The following RSRC1 variants were observed in gnomAD, a reference collection of about 807,000 sequenced individuals.
RSRC1 encodes the protein serine/Arginine-related protein 53.
A neutral mutation model predicts 49.1 loss-of-function variants in RSRC1; 39 were observed. The observed-to-expected ratio is 0.79, with a 90% confidence interval of 0.61 to 1.04. The LOEUF (loss-of-function observed/expected upper bound fraction) is 1.04, where lower values mean the gene tolerates loss of function less well. Among genes scored for constraint, RSRC1 ranks in the 50% least tolerant of loss-of-function variants. The pLI, the probability that RSRC1 is intolerant of heterozygous loss-of-function variation, is 0.00. For missense variants in RSRC1, 388 were observed against 402.4 expected, an observed-to-expected ratio of 0.96 and a Z score of 0.31; for synonymous variants, 143 against 130.8, an observed-to-expected ratio of 1.09 and a Z score of -0.63.
At chr3:158,516,307 C>T (rs1740530074) in intron 7 of RSRC1, among the ~76,000 whole-genome samples, 2 of 151,624 alleles carry the variant, frequency 1.3e-5, no homozygotes, top group Admixed American at 6.6e-5. Context: ...GTTAGTTTTC[C>T]TTCTAACAGA....
intron 3 of RSRC1, among the ~76,000 whole-genome samples, chr3:158,139,569 G>A (rs545478918): frequency 4.3e-4 from 66 of 151,732 alleles, no homozygotes; most frequent in African/African-American, 1.5e-3. Context: ...TTAATACTTA[G>A]AATAAACTGC....
intron 3 of RSRC1, among the ~76,000 whole-genome samples, chr3:158,152,233 A>G (rs1353677621): frequency 6.6e-6 from 1 of 152,138 alleles, no homozygotes; most frequent in East Asian, 1.9e-4. Context: ...GGGAATCATA[A>G]TATTAAATAG....
chr3:158,209,502 C>A (rs1721542254), intron 4 of RSRC1, among the ~76,000 whole-genome samples: 1 of 152,140 alleles, frequency 6.6e-6, no homozygotes. Context: ...AAGACACCTA[C>A]TAAAATGCTT....
At chr3:158,289,472 A>G (rs1316846612) in intron 4 of RSRC1, among the ~76,000 whole-genome samples, 1 of 152,206 alleles carries the variant, frequency 6.6e-6, no homozygotes, top group Non-Finnish European at 1.5e-5. Flanking sequence ...AAGATAACAA[A>G]ACACTTAAAT....
At chr3:158,158,849 G>T (rs1718037806) in intron 3 of RSRC1, among the ~76,000 whole-genome samples, 3 of 150,452 alleles carry the variant, frequency 2.0e-5, no homozygotes, top group Admixed American at 6.7e-5. Flanking sequence ...TGAGGCAAGA[G>T]AATTACTTGA....
intron 7 of RSRC1, among the ~76,000 whole-genome samples, chr3:158,520,049 G>T (rs1711570231): frequency 6.6e-6 from 1 of 152,130 alleles, no homozygotes; most frequent in South Asian, 2.1e-4. Context: ...GACTGGAGAA[G>T]AAATAGAAAT....
chr3:158,311,636 C>G (rs1436481065), intron 5 of RSRC1, among the ~76,000 whole-genome samples: 2 of 151,856 alleles, frequency 1.3e-5, no homozygotes, highest in African/African-American at 4.8e-5. Flanking sequence ...TTCTGGAAAT[C>G]TAATGTACAG....
chr3:158,221,048 ATAT>A (rs1353331901), intron 4 of RSRC1, among the ~76,000 whole-genome samples: 4 of 151,568 alleles, frequency 2.6e-5, no homozygotes, highest in African/African-American at 9.7e-5. Flanking sequence ...TGAAAATTTG[ATAT>A]TATTCAGTAT....
intron 6 of RSRC1, among the ~76,000 whole-genome samples, chr3:158,459,077 A>G (rs1037939902): frequency 3.3e-5 from 5 of 152,140 alleles, no homozygotes; most frequent in East Asian, 1.9e-4. Context: ...ATTATTATCT[A>G]TACTATTTCA....
chr3:158,245,969 A>G (rs1227726117), intron 4 of RSRC1, among the ~76,000 whole-genome samples: 10 of 151,976 alleles, frequency 6.6e-5, no homozygotes, highest in Admixed American at 6.6e-4. Flanking sequence ...CAGTGTACCA[A>G]TGGGTCTTGA....
intron 3 of RSRC1, among the ~76,000 whole-genome samples, chr3:158,166,080 G>T (rs1718511217): frequency 6.6e-6 from 1 of 152,162 alleles, no homozygotes; most frequent in Admixed American, 6.5e-5. Context: ...GATGTTGAAA[G>T]CTATACATAT....
chr3:158,487,391 C>T (rs1433380894), intron 7 of RSRC1, among the ~76,000 whole-genome samples: 6 of 152,028 alleles, frequency 3.9e-5, no homozygotes, highest in African/African-American at 1.4e-4. Context: ...TTTTATTTTT[C>T]ACGTGTTTTA....
chr3:158,171,622 A>T (rs1718886110), intron 3 of RSRC1, among the ~76,000 whole-genome samples: 1 of 152,158 alleles, frequency 6.6e-6, no homozygotes, highest in African/African-American at 2.4e-5. Context: ...GCTCAGTATC[A>T]CACTGGAGAT....
intron 7 of RSRC1, among the ~76,000 whole-genome samples, chr3:158,514,507 T>C (rs1255770261): frequency 1.3e-5 from 2 of 152,204 alleles, no homozygotes; most frequent in Non-Finnish European, 1.5e-5. Flanking sequence ...TCTGGTCTTT[T>C]ACATTTGCTG....
At chr3:158,338,546 A>T (rs1203453203) in intron 5 of RSRC1, among the ~76,000 whole-genome samples, 1 of 152,218 alleles carries the variant, frequency 6.6e-6, no homozygotes, top group Non-Finnish European at 1.5e-5. Flanking sequence ...TACACTGCAA[A>T]TATGTTTAGT....
At chr3:158,449,820 T>C (rs572638361) in intron 6 of RSRC1, among the ~76,000 whole-genome samples, 2 of 151,958 alleles carry the variant, frequency 1.3e-5, no homozygotes, top group Non-Finnish European at 2.9e-5. Flanking sequence ...TCCCTGGCAG[T>C]AGATGGCACC....
intron 7 of RSRC1, among the ~76,000 whole-genome samples, chr3:158,523,736 A>T (rs1711839233): frequency 6.6e-6 from 1 of 152,126 alleles, no homozygotes; most frequent in African/African-American, 2.4e-5. Context: ...ATGATTTCCC[A>T]TCAAAACTCT....
chr3:158,292,675 G>A (rs1727007218), intron 4 of RSRC1, among the ~76,000 whole-genome samples: 1 of 152,180 alleles, frequency 6.6e-6, no homozygotes, highest in Non-Finnish European at 1.5e-5. Context: ...TTCTGTCAAT[G>A]TCTTGGATGT....
At chr3:158,301,965 G>GT (rs1727570228) in intron 5 of RSRC1, among the ~76,000 whole-genome samples, 2 of 123,884 alleles carry the variant, frequency 1.6e-5, no homozygotes, top group African/African-American at 6.1e-5. Flanking sequence ...TCAATCCTTT[G>GT]TTTTTTTGTT....
Sources: allele counts gnomAD v4.1 joint callset (sites outside exome capture counted in the v4.1 genomes callset), GRCh38; gene constraint gnomAD v4.1.1; transcripts MANE v1.5; gene names NCBI Gene and HGNC (gene_info 2026-07-23, HGNC 2026-07-21).